The following DIXDC1 variants were observed in gnomAD, a reference collection of about 807,000 sequenced individuals.
The protein encoded by DIXDC1 is dixin.
DIXDC1 carries 64 observed loss-of-function variants against 103.1 expected under a neutral mutation model. The observed-to-expected ratio is 0.62, with a 90% CI of 0.51 to 0.76. DIXDC1 has a LOEUF of 0.76. Ranked by LOEUF, DIXDC1 falls within the 30% of genes least tolerant of loss-of-function variation. The pLI, the probability that DIXDC1 is intolerant of heterozygous loss-of-function variation, is 0.00. For synonymous variants in DIXDC1, 266 were observed against 298.5 expected, an observed-to-expected ratio of 0.89 and a Z score of 1.12; for missense variants, 759 against 834.2, an observed-to-expected ratio of 0.91 and a Z score of 1.11.
At chr11:112,013,332 TGG>T (rs1227115079) in intron 17 of DIXDC1, among the ~76,000 whole-genome samples, 25 of 28,158 alleles carry the variant, frequency 8.9e-4, no homozygotes, top group African/African-American at 1.8e-3. Context: ...GGGGGTGGGG[TGG>T]GGGGGGGGAA....
chr11:111,935,713 A>AG (rs2137429354), upstream of DIXDC1, among the ~76,000 whole-genome samples: 1 of 152,360 alleles, frequency 6.6e-6, no homozygotes, highest in African/African-American at 2.4e-5. Flanking sequence ...GTAGTGTCAA[A>AG]GGGAGTTCTT....
intron 1 of DIXDC1, among the ~76,000 whole-genome samples, chr11:111,955,688 A>G (rs1234927160): frequency 2.6e-5 from 4 of 151,688 alleles, no homozygotes; most frequent in Non-Finnish European, 5.9e-5. Context: ...TACAAAAATT[A>G]GCCAGGCATA....
chr11:111,974,440 T>C, intron 4 of DIXDC1, 186 bp downstream of exon 4: 1 of 628,174 alleles, frequency 1.6e-6, no homozygotes, highest in Non-Finnish European at 2.6e-6. Context: ...ATGTTTATTT[T>C]TATTTTGCAT....
chr11:112,003,746 C>T (rs1427642955), intron 17 of DIXDC1, among the ~76,000 whole-genome samples: 3 of 150,026 alleles, frequency 2.0e-5, no homozygotes, highest in Non-Finnish European at 3.0e-5. Flanking sequence ...TGCGGTGAGC[C>T]GAGATCATGC....
At chr11:111,927,820 A>T (rs1433752107) in intron 1 of DIXDC1, among the ~76,000 whole-genome samples, 2 of 151,766 alleles carry the variant, frequency 1.3e-5, no homozygotes, top group Admixed American at 1.3e-4. Flanking sequence ...GTTCGAGACC[A>T]GCCTGGCGAA....
intron 5 of DIXDC1, chr11:111,975,899 G>C: frequency 1.0e-6 from 1 of 977,456 alleles, no homozygotes. Context: ...TGGTAAACTT[G>C]CTAACTTTTT....
chr11:111,982,152 C>CT, intron 6 of DIXDC1, 187 bp from the exon 7 acceptor site: 1 of 538,558 alleles, frequency 1.9e-6, no homozygotes, highest in Non-Finnish European at 3.3e-6. Flanking sequence ...CCAAGTGAGC[C>CT]TGAGGCCTGA....
Position 111,995,536 on chromosome 11 carries a change from T to C in DIXDC1, c.1661T>C (p.Met554Thr), listed in dbSNP as rs374913848. The C allele has an allele frequency of 2.0e-5, 33 of 1,613,984 alleles. No individual in the cohort carries two copies. The highest frequency in any genetic ancestry group is 1.3e-5 in the African/African-American group (1 of 75,034). ...ISSLMERLHV[M>T]ETQKKQERKV... ...AGCCTCATGGAGCGCCTGCATGTTA[T>C]GGAGACGCAGAAGAAACAAGAAAGA... The change falls in exon 16 of 20, where the codon ATG (methionine) becomes ACG (threonine). Residue 554 changes from methionine to threonine, a missense_variant. By Grantham distance (81) the Met-to-Thr change is moderately conservative. Transcript: ENST00000440460.
intron 2 of DIXDC1, among the ~76,000 whole-genome samples, chr11:111,965,187 A>G (rs1408587488): frequency 6.6e-5 from 10 of 152,186 alleles, no homozygotes; most frequent in Admixed American, 6.5e-4. Flanking sequence ...ATACTTCATA[A>G]AATTTTTTTC....
upstream of DIXDC1, among the ~76,000 whole-genome samples, chr11:111,933,841 A>C (rs1555167906): frequency 6.6e-6 from 1 of 152,026 alleles, no homozygotes; most frequent in Non-Finnish European, 1.5e-5. Context: ...TTTTATATAG[A>C]TTTGAATTTC....
chr11:111,946,778 C>A, intron 1 of DIXDC1: 1 of 490,902 alleles, frequency 2.0e-6, no homozygotes, highest in South Asian at 1.5e-5. Context: ...GGTGTTTTCC[C>A]AACCTTCTTG....
At chr11:111,941,814 T>C (rs2137445219) in intron 1 of DIXDC1, among the ~76,000 whole-genome samples, 1 of 149,578 alleles carries the variant, frequency 6.7e-6, no homozygotes, top group South Asian at 2.1e-4. Flanking sequence ...TGAGATTCTG[T>C]CTCAAAACAA....
chr11:111,993,400 G>T, intron 12 of DIXDC1, 96 bp from the exon 13 acceptor site: 11 of 1,327,676 alleles, frequency 8.3e-6, no homozygotes, highest in Non-Finnish European at 1.2e-5. Context: ...TTTTCCTGAG[G>T]CTCTACTTTA....
At chr11:112,005,539 A>C (rs1009510022) in intron 17 of DIXDC1, among the ~76,000 whole-genome samples, 1 of 152,100 alleles carries the variant, frequency 6.6e-6, no homozygotes, top group South Asian at 2.1e-4. Flanking sequence ...CAACAAAAAA[A>C]TAAAAAAAAT....
chr11:112,013,184 T>C (rs1429024600), intron 17 of DIXDC1, among the ~76,000 whole-genome samples: 6 of 151,970 alleles, frequency 3.9e-5, no homozygotes, highest in Non-Finnish European at 7.4e-5. Context: ...GTATCTCTTA[T>C]AAGGACTAGT....
intron 2 of DIXDC1, among the ~76,000 whole-genome samples, chr11:111,968,129 T>G (rs1421292255): frequency 6.6e-6 from 1 of 152,238 alleles, no homozygotes; most frequent in Non-Finnish European, 1.5e-5. Flanking sequence ...AACACTTACT[T>G]GTTAACTTGA....
chr11:112,017,925 C>T lies in DIXDC1; in HGVS notation c.1971+40C>T. The T allele has an allele frequency of 6.6e-7, 1 of 1,503,930 alleles. No homozygotes were observed. The highest frequency in any genetic ancestry group is 1.9e-5 in the Admixed American group (1 of 52,238). 93.2% of individuals were successfully genotyped at this position (1,503,930 alleles called of 1,614,324 possible). ...GGGAGTCTGTATGGTATTATTGGTC[C>T]TTTCTGAACCCTGAAGCCTCCTGTT... On this transcript the variant is annotated intron_variant, in intron 19 of 19. Transcript: ENST00000440460. The surrounding 1 kb of genome is among the most constrained non-coding windows in gnomAD (Gnocchi z 4.0).
At chr11:111,931,822 G>A (rs1282867169) in intron 2 of DIXDC1, among the ~76,000 whole-genome samples, 1 of 152,160 alleles carries the variant, frequency 6.6e-6, no homozygotes, top group Non-Finnish European at 1.5e-5. Flanking sequence ...CTGTTGCAAT[G>A]AGACCTTGAA....
chr11:111,984,987 G>A (rs1555173656), intron 7 of DIXDC1, among the ~76,000 whole-genome samples: 2 of 152,140 alleles, frequency 1.3e-5, no homozygotes, highest in South Asian at 2.1e-4. Flanking sequence ...TTCTTCTGGG[G>A]CCAAGGCACC....
Sources: gnomAD v4.1 joint callset for allele counts (sites outside exome capture counted in the v4.1 genomes callset) on GRCh38, gnomAD v4.1.1 for gene constraint, Gnocchi (gnomAD v3.1) non-coding constraint, MANE v1.5 for transcripts, NCBI Gene and HGNC (gene_info 2026-07-23, HGNC 2026-07-21) for gene names.